SYNPR: variants seen among roughly 807,000 people sequenced by gnomAD.
SYNPR encodes synaptoporin.
SYNPR carries 23 observed loss-of-function variants against 32.9 expected under a neutral mutation model. The observed-to-expected ratio is 0.70, with a 90% CI of 0.50 to 0.99. The LOEUF is 0.99. SYNPR is among the 50% of genes least tolerant of loss of function. The pLI is 0.00. For synonymous variants in SYNPR, 146 were observed against 135.9 expected (o/e 1.07, Z -0.52); for missense variants, 318 against 349.3 (o/e 0.91, Z 0.71).
chr3:63,417,771 C>G (rs1196934669), intron 2 of SYNPR, among the ~76,000 whole-genome samples: 3 of 152,214 alleles, frequency 2.0e-5, no homozygotes, highest in Non-Finnish European at 2.9e-5. Flanking sequence ...CTACCTTGGC[C>G]CCTTTTAGTC....
chr3:63,390,487 C>T (rs957907221), intron 2 of SYNPR, among the ~76,000 whole-genome samples: 2 of 152,184 alleles, frequency 1.3e-5, no homozygotes, highest in South Asian at 4.1e-4. Context: ...CCAACTGCTT[C>T]CTGAGGACAC....
intron 4 of SYNPR, among the ~76,000 whole-genome samples, chr3:63,560,658 G>A (rs1199792337): frequency 6.6e-6 from 1 of 152,124 alleles, no homozygotes; most frequent in Non-Finnish European, 1.5e-5. Context: ...TGGCTGGGGA[G>A]GCCTCAGGAA....
intron 2 of SYNPR, among the ~76,000 whole-genome samples, chr3:63,257,037 T>G (rs532161532): frequency 6.6e-6 from 1 of 151,996 alleles, no homozygotes; most frequent in African/African-American, 2.4e-5. Flanking sequence ...TAAAAAGAAA[T>G]GAACAAAGGC....
In SYNPR at chr3:63,335,766, CTTTTTTT is replaced by C. The variant is rs3082128; in HGVS notation, c.84+57042_84+57048del. Among the ~76,000 whole-genome samples, 137 of 91,466 alleles carry C rather than the reference CTTTTTTT, an allele frequency of 1.5e-3. 2 individuals are homozygous for C. Among genetic ancestry groups the C allele is most frequent in the African/African-American group, 6.4e-3 (131 of 20,488 alleles). 60.0% of individuals were successfully genotyped at this position (91,466 alleles called of 152,430 possible). A position where few individuals can be genotyped will look rare whatever the true frequency, so the allele number is the denominator to read the frequency against. On this transcript the variant is annotated intron_variant, in intron 2 of 5. Transcript: ENST00000478300. The stretch of plus-strand genomic sequence containing the variant: ...ACACACTCAAGTCCATATTAGCTTC[CTTTTTTT>C]TTTTTTTTTTTTTTTTTGAGACAGA...
At chr3:63,393,720 A>C (rs1480448370) in intron 2 of SYNPR, among the ~76,000 whole-genome samples, 1 of 151,852 alleles carries the variant, frequency 6.6e-6, no homozygotes, top group African/African-American at 2.4e-5. Context: ...TGTGTTGCTC[A>C]GGGTGGTCTT....
intron 2 of SYNPR, among the ~76,000 whole-genome samples, chr3:63,363,737 C>T (rs1361148686): frequency 6.6e-6 from 1 of 152,146 alleles, no homozygotes; most frequent in Admixed American, 6.5e-5. Flanking sequence ...TGAAATATTA[C>T]TCGAATCTCA....
At chr3:63,588,376 GT>G (rs1703230422) in intron 4 of SYNPR, among the ~76,000 whole-genome samples, 1 of 152,014 alleles carries the variant, frequency 6.6e-6, no homozygotes, top group Non-Finnish European at 1.5e-5. Context: ...TCCTCCAGAT[GT>G]TTCATCTATA....
chr3:63,413,234 ATC>A lies in SYNPR; in HGVS notation c.85-67592_85-67591del, dbSNP rs563978634. Among the ~76,000 whole-genome samples, 680 of 152,272 alleles carry A rather than the reference ATC, an allele frequency of 4.5e-3. 6 individuals are homozygous for A. The highest frequency in any genetic ancestry group is 0.015 in the African/African-American group (627 of 41,568). ...TGGAACAAGGTACAGTGTGTCTTTAATCTCTCTTTAATTGATGCATATTGCTT... is the reference window on the plus strand; with the variant it reads ...TGGAACAAGGTACAGTGTGTCTTTAATCTCTTTAATTGATGCATATTGCTT... On this transcript the variant is annotated intron_variant, in intron 2 of 5. Transcript: ENST00000478300.
intron 2 of SYNPR, among the ~76,000 whole-genome samples, chr3:63,368,141 T>G (rs534460453): frequency 1.3e-5 from 2 of 152,208 alleles, no homozygotes; most frequent in African/African-American, 4.8e-5. Flanking sequence ...TGACAGGCTA[T>G]GGAGCATCAA....
intron 2 of SYNPR, among the ~76,000 whole-genome samples, chr3:63,376,086 T>C (rs1311572292): frequency 6.6e-6 from 1 of 152,158 alleles, no homozygotes. Context: ...ATATTCTCAA[T>C]AGAACTTTTT....
intron 1 of SYNPR, among the ~76,000 whole-genome samples, chr3:63,242,103 C>T (rs1050447913): frequency 2.0e-5 from 3 of 152,118 alleles, no homozygotes; most frequent in Admixed American, 2.0e-4. Context: ...TAATTAGAAT[C>T]TGAATGCATA....
chr3:63,504,746 T>A (rs1701551352), intron 3 of SYNPR, among the ~76,000 whole-genome samples: 1 of 152,160 alleles, frequency 6.6e-6, no homozygotes. Flanking sequence ...GAGACTTCTG[T>A]GGCCATTCTG....
the SYNPR span, among the ~76,000 whole-genome samples, chr3:63,204,124 C>T: frequency 6.6e-6 from 1 of 152,170 alleles, no homozygotes; most frequent in Non-Finnish European, 1.5e-5. Context: ...TTAACATCAG[C>T]CTACCTCACC....
At chr3:63,566,045 G>T (rs904510958) in intron 4 of SYNPR, among the ~76,000 whole-genome samples, 1 of 152,112 alleles carries the variant, frequency 6.6e-6, no homozygotes, top group Non-Finnish European at 1.5e-5. Flanking sequence ...AGAGAAAAAT[G>T]CTGTCAACCT....
At chr3:63,612,837 G>A (rs1416568609) in intron 5 of SYNPR, among the ~76,000 whole-genome samples, 1 of 151,922 alleles carries the variant, frequency 6.6e-6, no homozygotes, top group African/African-American at 2.4e-5. Flanking sequence ...CCTGGACAGA[G>A]CCATGACTGA....
chr3:63,504,120 A>G (rs1417639385), intron 3 of SYNPR, among the ~76,000 whole-genome samples: 1 of 152,144 alleles, frequency 6.6e-6, no homozygotes, highest in African/African-American at 2.4e-5. Context: ...TAATTGTTGA[A>G]ATTAAAATAT....
intron 2 of SYNPR, among the ~76,000 whole-genome samples, chr3:63,414,522 T>C (rs1346609984): frequency 2.0e-5 from 3 of 152,168 alleles, no homozygotes; most frequent in Non-Finnish European, 4.4e-5. Flanking sequence ...TGTCTTTGTC[T>C]TTTCATTATT....
At chr3:63,208,685 G>A in the SYNPR span, among the ~76,000 whole-genome samples, 1 of 152,168 alleles carries the variant, frequency 6.6e-6, no homozygotes, top group Non-Finnish European at 1.5e-5. Flanking sequence ...GTTTGGGAAG[G>A]CCTGCAAACT....
At chr3:63,351,956 C>T (rs923138768) in intron 2 of SYNPR, among the ~76,000 whole-genome samples, 53 of 152,066 alleles carry the variant, frequency 3.5e-4, no homozygotes, top group African/African-American at 3.6e-4. Context: ...ATGCTAGGAT[C>T]GGCAGCATGG....
Sources: gnomAD v4.1 joint callset for allele counts (sites outside exome capture counted in the v4.1 genomes callset) on GRCh38, gnomAD v4.1.1 for gene constraint, MANE v1.5 for transcripts, NCBI Gene and HGNC (gene_info 2026-07-23, HGNC 2026-07-21) for gene names.